Variants in COL22A1 observed in about 807,000 individuals in gnomAD.
The protein encoded by COL22A1 is collagen type XXII alpha 1 chain.
Under a neutral mutation model 248.9 loss-of-function variants are expected in COL22A1, and 221 were observed. That is an observed-to-expected ratio of 0.89 (90% CI 0.80 to 0.99). The LOEUF is 0.99. COL22A1 is among the 50% of genes least tolerant of loss of function. COL22A1 has a pLI of 0.00. For synonymous variants in COL22A1, 891 were observed against 793.4 expected, an observed-to-expected ratio of 1.12 and a Z score of -2.07; for missense variants, 2,240 against 2,179.0, an observed-to-expected ratio of 1.03 and a Z score of -0.56.
At chr8:138,634,058 T>C (rs927708595) in intron 49 of COL22A1, among the ~76,000 whole-genome samples, 1 of 152,226 alleles carries the variant, frequency 6.6e-6, no homozygotes, top group African/African-American at 2.4e-5. Context: ...AAAGTCAACA[T>C]GAAGTGAAAG....
chr8:138,859,341 C>T (rs1482299447), intron 3 of COL22A1, among the ~76,000 whole-genome samples: 2 of 152,314 alleles, frequency 1.3e-5, no homozygotes, highest in East Asian at 3.9e-4. Flanking sequence ...CCCCCCTGAA[C>T]ACCATGTCGG....
At chr8:138,668,991 AGAG>A (rs1025671109) in intron 41 of COL22A1, among the ~76,000 whole-genome samples, 9 of 152,190 alleles carry the variant, frequency 5.9e-5, no homozygotes, top group Non-Finnish European at 1.0e-4. Context: ...CACTACGCAA[AGAG>A]GAGAAGTCAG....
At chr8:138,849,097 G>T (rs1019570429) in intron 3 of COL22A1, among the ~76,000 whole-genome samples, 1 of 152,160 alleles carries the variant, frequency 6.6e-6, no homozygotes, top group South Asian at 2.1e-4. Flanking sequence ...AATTTTCCAC[G>T]CATCTCCATT....
At chr8:138,657,753 GCCAGTT>G (rs1823413437) in intron 44 of COL22A1, among the ~76,000 whole-genome samples, 1 of 152,064 alleles carries the variant, frequency 6.6e-6, no homozygotes, top group Non-Finnish European at 1.5e-5. Context: ...GGATGTAGAT[GCCAGTT>G]TACATCCTAC....
chr8:138,657,824 G>A (rs73445470), intron 44 of COL22A1, among the ~76,000 whole-genome samples: 3,240 of 152,274 alleles, frequency 0.021, 121 homozygotes, highest in African/African-American at 0.073. Flanking sequence ...TTATACAGCC[G>A]ATAACTGACT....
chr8:138,653,435 C>G (rs2130594047), intron 45 of COL22A1, among the ~76,000 whole-genome samples: 1 of 152,324 alleles, frequency 6.6e-6, no homozygotes, highest in East Asian at 1.9e-4. Flanking sequence ...AGTCTTGGTT[C>G]TACCACTACA....
chr8:138,849,703 G>A (rs73368817), intron 3 of COL22A1, among the ~76,000 whole-genome samples: 2,963 of 152,274 alleles, frequency 0.019, 94 homozygotes, highest in African/African-American at 0.066. Context: ...TTGTAGAAGG[G>A]TCTTCCTCAC....
chr8:138,640,125 G>T (rs1821542069), intron 47 of COL22A1, among the ~76,000 whole-genome samples: 1 of 152,316 alleles, frequency 6.6e-6, no homozygotes, highest in Admixed American at 6.5e-5. Context: ...CATATTGTCT[G>T]TAATGCAAAT....
intron 16 of COL22A1, among the ~76,000 whole-genome samples, chr8:138,770,217 C>T (rs1487682579): frequency 6.6e-6 from 1 of 152,182 alleles, no homozygotes; most frequent in Non-Finnish European, 1.5e-5. Flanking sequence ...GGAATGTTTA[C>T]AGCCACCCAA....
chr8:138,725,386 C>T lies in COL22A1; in HGVS notation c.2193+1G>A. On this transcript the variant is annotated splice_donor_variant, in intron 24 of 64. Coordinates refer to ENST00000303045, the MANE Select transcript of COL22A1 (RefSeq NM_152888.3). LOFTEE classifies it high-confidence loss of function. ...CTGTAGAAAATCAAAGCCAGTCTTA[C>T]CGGAGAACCTCCCGGTCCAGGGGGG... The T allele has an allele frequency of 1.2e-6, 2 of 1,614,110 alleles. No homozygotes were observed. The highest frequency in any genetic ancestry group is 1.7e-6 in the Non-Finnish European group (2 of 1,179,996).
Position 138,589,172 on chromosome 8 carries a change from T to C in COL22A1, c.*81A>G. ...AAAAAAGGAACACATGGCTGAAGTCTTTCAAGACCTCTGGCTTCCCACTGG... is the reference window on the plus strand; with the variant it reads ...AAAAAAGGAACACATGGCTGAAGTCCTTCAAGACCTCTGGCTTCCCACTGG... On this transcript the variant is annotated 3_prime_UTR_variant, in exon 65 of 65. Coordinates refer to ENST00000303045, the MANE Select transcript of COL22A1 (RefSeq NM_152888.3). 3 of 1,352,290 alleles carry C rather than the reference T, an allele frequency of 2.2e-6. No individual in the cohort carries two copies. In the South Asian group the frequency reaches 3.9e-5, roughly 18 times the overall value. 83.8% of individuals were successfully genotyped at this position (1,352,290 alleles called of 1,614,324 possible). A position where few individuals can be genotyped will look rare whatever the true frequency, so the allele number is the denominator to read the frequency against.
At chr8:138,831,748 C>A (rs1314426505) in intron 5 of COL22A1, among the ~76,000 whole-genome samples, 1 of 151,616 alleles carries the variant, frequency 6.6e-6, no homozygotes, top group Non-Finnish European at 1.5e-5. Flanking sequence ...ACACAGGGAC[C>A]TTCCTCTTCC....
At chr8:138,873,002 A>G (rs937677516) in intron 3 of COL22A1, among the ~76,000 whole-genome samples, 2 of 152,216 alleles carry the variant, frequency 1.3e-5, no homozygotes, top group Admixed American at 6.5e-5. Flanking sequence ...ACTGGCCACC[A>G]GGTATGAGCC....
Position 138,724,634 on chromosome 8 carries a change from G to A in COL22A1, c.2228C>T (p.Pro743Leu), listed in dbSNP as rs1390100318. The A allele has an allele frequency of 6.2e-7, 1 of 1,614,202 alleles. No homozygotes were observed. Among genetic ancestry groups the A allele is most frequent in the Non-Finnish European group, 8.5e-7 (1 of 1,180,026 alleles). Residue 743 changes from proline to leucine, a missense_variant, in exon 25 of 65, where the codon CCT (proline) becomes CTT (leucine). Pro to Leu is a moderately conservative substitution (Grantham distance 98). Coordinates refer to ENST00000303045, the MANE Select transcript of COL22A1 (RefSeq NM_152888.3). ...LPGEIGFPGKPGPPGPTGPPG... is the reference protein window; with the variant it reads ...LPGEIGFPGKLGPPGPTGPPG... Reference sequence around the variant, plus strand: ...ACTCACCGTGGGCCCAGGAGGTCCAGGCTTTCCCGGGAAGCCGATCTCTCC... The same window carrying A: ...ACTCACCGTGGGCCCAGGAGGTCCAAGCTTTCCCGGGAAGCCGATCTCTCC...
At chr8:138,780,847 C>T (rs1586728788) in intron 13 of COL22A1, 80 bp downstream of exon 13, 3 of 1,239,182 alleles carry the variant, frequency 2.4e-6, no homozygotes, top group African/African-American at 1.5e-5. Flanking sequence ...TGCCACCCCA[C>T]TTAAGGACAC....
chr8:138,789,042 T>C (rs1281098810), intron 12 of COL22A1, among the ~76,000 whole-genome samples: 1 of 152,174 alleles, frequency 6.6e-6, no homozygotes, highest in Non-Finnish European at 1.5e-5. Context: ...GTCCAGCATT[T>C]ACCCTTCCCA....
chr8:138,819,851 C>T (rs1485236092), intron 7 of COL22A1, among the ~76,000 whole-genome samples: 2 of 151,542 alleles, frequency 1.3e-5, no homozygotes, highest in African/African-American at 4.8e-5. Context: ...ATCCCACAGC[C>T]CAATCATTAA....
At chr8:138,864,154 A>G (rs1392333922) in intron 3 of COL22A1, among the ~76,000 whole-genome samples, 1 of 152,092 alleles carries the variant, frequency 6.6e-6, no homozygotes, top group Admixed American at 6.5e-5. Context: ...ACCGCACTTC[A>G]GGATCTGGAC....
intron 61 of COL22A1, 107 bp from the exon 62 acceptor site, chr8:138,597,077 A>G (rs1435742599): frequency 7.7e-6 from 6 of 784,288 alleles, no homozygotes; most frequent in Non-Finnish European, 1.3e-5. Flanking sequence ...ATATACCCAC[A>G]CAGGGAAGCA....
Sources: gnomAD v4.1 joint callset for allele counts (sites outside exome capture counted in the v4.1 genomes callset) on GRCh38, gnomAD v4.1.1 for gene constraint, MANE v1.5 for transcripts, NCBI Gene and HGNC (gene_info 2026-07-23, HGNC 2026-07-21) for gene names.